The following BMPER variants were observed in gnomAD, a reference collection of about 807,000 sequenced individuals.
BMPER encodes the protein BMP-binding endothelial regulator protein.
In BMPER, 45 loss-of-function variants were observed where a neutral mutation model predicts 87.3. The ratio of observed to expected loss-of-function variants is 0.52; its 90% CI spans 0.41 to 0.66. The LOEUF (loss-of-function observed/expected upper bound fraction) is 0.66. Among genes scored for constraint, BMPER ranks in the 30% least tolerant of loss-of-function variants. The probability of loss-of-function intolerance (pLI) is 0.00; values close to 1 mark genes in which losing one functional copy is unlikely to be tolerated. For missense variants in BMPER, 784 were observed against 867.5 expected, an observed-to-expected ratio of 0.90 and a Z score of 1.21; for synonymous variants, 326 against 316.2, an observed-to-expected ratio of 1.03 and a Z score of -0.33.
At chr7:34,108,900 C>T (rs184271954) in intron 13 of BMPER, among the ~76,000 whole-genome samples, 33 of 152,244 alleles carry the variant, frequency 2.2e-4, no homozygotes, top group Non-Finnish European at 4.0e-4. Context: ...TTAGTCTAAG[C>T]CTACAATATT....
intron 2 of BMPER, among the ~76,000 whole-genome samples, chr7:33,926,993 C>T (rs576255810): frequency 1.3e-5 from 2 of 152,216 alleles, no homozygotes; most frequent in East Asian, 1.9e-4. Flanking sequence ...TAAAGCTGAT[C>T]GGCTTTTCAT....
intron 2 of BMPER, among the ~76,000 whole-genome samples, chr7:33,935,952 G>A (rs1784590668): frequency 6.6e-6 from 1 of 152,136 alleles, no homozygotes; most frequent in Admixed American, 6.5e-5. Flanking sequence ...TAACAGGGCT[G>A]ATACGGAAAC....
At position 34,079,236 on chromosome 7, in the gene BMPER, C is replaced by T. The variant is rs755073414; in HGVS notation, c.1408+50C>T. The T allele has an allele frequency of 4.4e-6, 7 of 1,605,596 alleles. 1 individual carries two copies. In the South Asian group the frequency reaches 4.4e-5, roughly 10 times the overall value. ...TGCTCTAGCCTCCGCCTCACTTACC[C>T]GTTCAGCAGCACTGCTCGGTTAGAG... On this transcript the variant is annotated intron_variant, in intron 12 of 14. Transcript: ENST00000649409.
intron 6 of BMPER, chr7:34,042,714 C>G (rs941159086): frequency 7.9e-5 from 12 of 152,284 alleles, no homozygotes; most frequent in African/African-American, 2.9e-4. Context: ...GTAGCTCTGC[C>G]TTTCATTCAC....
intron 6 of BMPER, among the ~76,000 whole-genome samples, chr7:33,996,010 G>C (rs749171954): frequency 2.6e-5 from 4 of 152,196 alleles, no homozygotes; most frequent in African/African-American, 7.2e-5. Flanking sequence ...TGGGGATACT[G>C]CTTCTTGGCA....
intron 10 of BMPER, among the ~76,000 whole-genome samples, chr7:34,061,767 T>C (rs1473986543): frequency 1.3e-5 from 2 of 152,170 alleles, no homozygotes; most frequent in Non-Finnish European, 1.5e-5. Flanking sequence ...ATTATATTTC[T>C]TGGAGGATAA....
At chr7:33,994,571 C>T (rs1382614252) in intron 6 of BMPER, among the ~76,000 whole-genome samples, 1 of 152,206 alleles carries the variant, frequency 6.6e-6, no homozygotes, top group Non-Finnish European at 1.5e-5. Flanking sequence ...ATGCAGAAAT[C>T]ACCCGTCTTC....
At chr7:34,140,239 A>G (rs908469219) in intron 13 of BMPER, among the ~76,000 whole-genome samples, 1 of 152,320 alleles carries the variant, frequency 6.6e-6, no homozygotes, top group South Asian at 2.1e-4. Context: ...TCCCTGAAAA[A>G]CACTCTGTGT....
At chr7:34,142,285 C>G (rs1790895754) in intron 13 of BMPER, among the ~76,000 whole-genome samples, 1 of 152,166 alleles carries the variant, frequency 6.6e-6, no homozygotes. Flanking sequence ...TTAATTTGCT[C>G]TTTTCCACTT....
intron 6 of BMPER, among the ~76,000 whole-genome samples, chr7:34,016,548 A>G (rs922418065): frequency 6.6e-6 from 1 of 151,916 alleles, no homozygotes; most frequent in Non-Finnish European, 1.5e-5. Context: ...TCTTGACTGC[A>G]TTTTAAGATC....
At chr7:33,945,683 C>T (rs1182567365) in intron 3 of BMPER, among the ~76,000 whole-genome samples, 1 of 152,150 alleles carries the variant, frequency 6.6e-6, no homozygotes, top group East Asian at 1.9e-4. Flanking sequence ...ATTTTAAGAC[C>T]TTTACCTCCA....
chr7:33,994,576 G>A lies in BMPER; in HGVS notation c.576+19792G>A, dbSNP rs146366207. 6.7e-3 allele frequency among the ~76,000 whole-genome samples: 1,021 copies of A among 152,270 alleles called. 11 individuals carry two copies. Among genetic ancestry groups the A allele is most frequent in the African/African-American group, 0.023 (960 of 41,558 alleles). ...TCAGATGGAAATGCAGAAATCACCC[G>A]TCTTCTGCGTCACTCACGCTGGGAG... On this transcript the variant is annotated intron_variant, in intron 6 of 14. Transcript: ENST00000649409.
chr7:34,054,547 A>C (rs1303886139), intron 8 of BMPER, among the ~76,000 whole-genome samples: 1 of 152,172 alleles, frequency 6.6e-6, no homozygotes. Flanking sequence ...TAACTTACAG[A>C]TGATACAAAC....
At chr7:34,008,587 A>C (rs1786795880) in intron 6 of BMPER, among the ~76,000 whole-genome samples, 1 of 151,994 alleles carries the variant, frequency 6.6e-6, no homozygotes, top group Non-Finnish European at 1.5e-5. Flanking sequence ...ATATAAATCA[A>C]CATATCACCT....
chr7:33,989,885 T>C (rs370612397), intron 6 of BMPER, among the ~76,000 whole-genome samples: 1 of 152,202 alleles, frequency 6.6e-6, no homozygotes. Flanking sequence ...CCTTTCCCCA[T>C]TGCTTGTTTT....
At chr7:34,103,434 G>A (rs1288291504) in intron 13 of BMPER, among the ~76,000 whole-genome samples, 1 of 152,156 alleles carries the variant, frequency 6.6e-6, no homozygotes, top group Non-Finnish European at 1.5e-5. Flanking sequence ...TACAGGGGGA[G>A]CGATACATTA....
chr7:33,956,252 A>G (rs759539430), intron 3 of BMPER, among the ~76,000 whole-genome samples: 1 of 152,220 alleles, frequency 6.6e-6, no homozygotes, highest in Non-Finnish European at 1.5e-5. Context: ...CAATATAACA[A>G]TCATTTGTTC....
rs1403080317 is a variant in BMPER at position 34,104,910 on chromosome 7, CT to C, written c.1745+18819del. ...GAGGAAGGGAAAGTGGAAGAAATGACTCGTCTATTTTCAGAGCTAAATGATT... is the reference window on the plus strand; with the variant it reads ...GAGGAAGGGAAAGTGGAAGAAATGACCGTCTATTTTCAGAGCTAAATGATT... On this transcript the variant is annotated intron_variant, in intron 13 of 14. Transcript: ENST00000649409. 2.0e-5 allele frequency among the ~76,000 whole-genome samples: 3 copies of C among 152,242 alleles called. No individual in the cohort carries two copies. The East Asian group carries it at 5.8e-4, about 29-fold the overall frequency.
At chr7:34,042,730 T>A (rs900239814) in intron 6 of BMPER, 5 of 152,178 alleles carry the variant, frequency 3.3e-5, no homozygotes, top group Admixed American at 3.3e-4. Flanking sequence ...TTCACTAATT[T>A]TTTATTGAGG....
Sources: allele counts gnomAD v4.1 joint callset (sites outside exome capture counted in the v4.1 genomes callset), GRCh38; gene constraint gnomAD v4.1.1; transcripts MANE v1.5; gene names NCBI Gene and HGNC (gene_info 2026-07-23, HGNC 2026-07-21).